BLNK: variants seen among roughly 807,000 people sequenced by gnomAD.
BLNK encodes the protein B cell linker.
In BLNK, 29 loss-of-function variants were observed where a neutral mutation model predicts 73.5. The observed-to-expected ratio is 0.39, with a 90% CI of 0.29 to 0.54. BLNK has a LOEUF of 0.54. Ranked by LOEUF, BLNK falls within the 20% of genes least tolerant of loss-of-function variation. The pLI is 0.61. For missense variants in BLNK, 460 were observed against 562.8 expected (o/e 0.82, Z 1.85); for synonymous variants, 176 against 200.8 (o/e 0.88, Z 1.04).
At position 96,192,050 on chromosome 10, in the gene BLNK, T is replaced by G; in HGVS notation, c.1294A>C (p.Ser432Arg). The change falls in exon 17 of 17, where the codon AGT becomes CGT. Residue 432 changes from serine to arginine, a missense_variant. Physicochemically the swap from Ser to Arg is moderately radical, Grantham distance 110. Around this residue, in one of 3 missense-constraint regions of BLNK, gnomAD observed 88 missense variants for 143.4 expected, o/e 0.61. Transcript: ENST00000224337. The part of the protein sequence containing the change: ...VAEIIRNHQH[S>R]PLVLIDSQNN... Reference sequence around the variant, plus strand: ...TGACTGTCAATAAGAACCAAAGGACTATGTTGATGATTCCTGATGATTTCA... The same window carrying G: ...TGACTGTCAATAAGAACCAAAGGACGATGTTGATGATTCCTGATGATTTCA... The G allele has an allele frequency of 6.2e-7, 1 of 1,613,736 alleles. No homozygotes were observed. The highest frequency in any genetic ancestry group is 8.5e-7 in the Non-Finnish European group (1 of 1,179,730).
chr10:96,213,646 G>T (rs1202934864), intron 8 of BLNK, among the ~76,000 whole-genome samples: 1 of 140,460 alleles, frequency 7.1e-6, no homozygotes, highest in Non-Finnish European at 1.6e-5. Flanking sequence ...AGGAAGAGGA[G>T]GTCCTTGTAA....
intron 1 of BLNK, among the ~76,000 whole-genome samples, chr10:96,270,159 A>G (rs1844208261): frequency 2.0e-5 from 3 of 152,182 alleles, no homozygotes; most frequent in Non-Finnish European, 4.4e-5. Flanking sequence ...TGTTCTTGAA[A>G]TGGTTGAACA....
In BLNK at chr10:96,209,830, G is replaced by C; in HGVS notation, c.746+8C>G. 6.2e-7 allele frequency: 1 copy of C among 1,614,196 alleles called. No homozygotes were observed. Among genetic ancestry groups the C allele is most frequent in the Middle Eastern group, 1.7e-4 (1 of 6,060 alleles). Reference sequence around the variant, plus strand: ...TCTCAAAAGCTGCTTCCTGCAACAGGTACTTACCCGGCCCGTGGCAACGGG... The same window carrying C: ...TCTCAAAAGCTGCTTCCTGCAACAGCTACTTACCCGGCCCGTGGCAACGGG... On this transcript the variant is annotated splice_region_variant and intron_variant, in intron 9 of 16. Transcript: ENST00000224337.
chr10:96,270,345 G>C (rs1289720898), intron 1 of BLNK, among the ~76,000 whole-genome samples: 2 of 152,116 alleles, frequency 1.3e-5, no homozygotes, highest in African/African-American at 4.8e-5. Flanking sequence ...TGTTATCTGT[G>C]ATTACTTGTC....
At chr10:96,258,180 T>C (rs191211945) in intron 1 of BLNK, among the ~76,000 whole-genome samples, 27 of 152,342 alleles carry the variant, frequency 1.8e-4, no homozygotes, top group Non-Finnish European at 3.5e-4. Flanking sequence ...AATTCAGCAC[T>C]GCAGGCTGCT....
chr10:96,271,305 G>A, intron 1 of BLNK, 47 bp downstream of exon 1: 2 of 1,593,562 alleles, frequency 1.3e-6, no homozygotes, highest in South Asian at 2.2e-5. Context: ...GAGCACTGGG[G>A]GGAAAAAAAG....
At chr10:96,267,811 C>T (rs782072390) in intron 1 of BLNK, among the ~76,000 whole-genome samples, 7 of 152,132 alleles carry the variant, frequency 4.6e-5, no homozygotes, top group Non-Finnish European at 1.5e-5. Context: ...TGGAAAGTCC[C>T]TGTTTATTTT....
At chr10:96,195,159 T>C (rs2083434175) in intron 16 of BLNK, among the ~76,000 whole-genome samples, 1 of 152,154 alleles carries the variant, frequency 6.6e-6, no homozygotes, top group Admixed American at 6.5e-5. Context: ...ATTCAGAATA[T>C]AACAAGTGCT....
intron 3 of BLNK, among the ~76,000 whole-genome samples, chr10:96,234,432 T>C (rs1842625318): frequency 6.6e-6 from 1 of 152,196 alleles, no homozygotes; most frequent in Admixed American, 6.5e-5. Context: ...AGTAGTCAGT[T>C]TTCCAGTATC....
intron 2 of BLNK, 41 bp downstream of exon 2, chr10:96,246,943 T>C (rs200375928): frequency 6.9e-7 from 1 of 1,449,540 alleles, no homozygotes; most frequent in Non-Finnish European, 9.6e-7. Context: ...ACATGTTGAC[T>C]TATTTTATAT....
chr10:96,248,452 T>G lies in BLNK; in HGVS notation c.48-1403A>C, dbSNP rs1369904655. On this transcript the variant is annotated intron_variant, in intron 1 of 16. Transcript: ENST00000224337. ...AAATCTAAACAACAGTGAGATGTCT[T>G]TTCGCCTATCAGACTGGCAAAACAT... Among the ~76,000 whole-genome samples the G allele has an allele frequency of 3.9e-5, 6 of 152,356 alleles. No homozygotes were observed. In the East Asian group the frequency reaches 1.2e-3, roughly 29 times the overall value.
At chr10:96,256,099 A>T (rs1288189411) in intron 1 of BLNK, among the ~76,000 whole-genome samples, 1 of 152,190 alleles carries the variant, frequency 6.6e-6, no homozygotes, top group African/African-American at 2.4e-5. Flanking sequence ...TGGGAGGCTG[A>T]GGAGGGTGGA....
chr10:96,226,688 A>G (rs1423905027), intron 5 of BLNK, among the ~76,000 whole-genome samples: 1 of 152,046 alleles, frequency 6.6e-6, no homozygotes, highest in Non-Finnish European at 1.5e-5. Context: ...TAAAAATACA[A>G]AAGTTAGCCA....
chr10:96,192,475 A>G (rs1397012784), intron 16 of BLNK, among the ~76,000 whole-genome samples: 5 of 152,228 alleles, frequency 3.3e-5, no homozygotes, highest in Non-Finnish European at 7.4e-5. Context: ...CTCAGATACA[A>G]GAATTGATGT....
intron 1 of BLNK, among the ~76,000 whole-genome samples, chr10:96,266,929 C>G (rs1288056734): frequency 6.6e-6 from 1 of 152,216 alleles, no homozygotes; most frequent in Non-Finnish European, 1.5e-5. Flanking sequence ...TCCATGTTGT[C>G]TCACTTGGTC....
intron 6 of BLNK, among the ~76,000 whole-genome samples, chr10:96,221,486 T>C (rs1554901148): frequency 6.6e-6 from 1 of 152,212 alleles, no homozygotes; most frequent in African/African-American, 2.4e-5. Context: ...CTCTTTCTTA[T>C]ATTGGCTCTC....
intron 1 of BLNK, among the ~76,000 whole-genome samples, chr10:96,266,454 A>G (rs1554914313): frequency 6.6e-6 from 1 of 152,232 alleles, no homozygotes; most frequent in Non-Finnish European, 1.5e-5. Flanking sequence ...TAGCACAGCC[A>G]TGCCCAGAGT....
intron 5 of BLNK, among the ~76,000 whole-genome samples, chr10:96,226,707 G>C (rs587707895): frequency 3.9e-5 from 6 of 152,262 alleles, no homozygotes; most frequent in Non-Finnish European, 8.8e-5. Context: ...CAGGCGTGGT[G>C]GTGGGTGCCT....
At position 96,242,727 on chromosome 10, in the gene BLNK, T is replaced by C; in HGVS notation, c.163+8A>G. On this transcript the variant is annotated splice_region_variant and intron_variant, in intron 3 of 16. Coordinates refer to ENST00000224337, the MANE Select transcript of BLNK (RefSeq NM_013314.4). ...AGAGTCAGTTAAAGTATCTGAGAAA[T>C]ACCTTACCTGAAGCGTAGTCCCTTC... 1.2e-6 allele frequency: 2 copies of C among 1,612,942 alleles called. No homozygotes were observed. Among genetic ancestry groups the C allele is most frequent in the Non-Finnish European group, 1.7e-6 (2 of 1,178,862 alleles).
Sources: allele counts gnomAD v4.1 joint callset (sites outside exome capture counted in the v4.1 genomes callset), GRCh38; gene constraint gnomAD v4.1.1; regional missense constraint gnomAD v4.1.1; transcripts MANE v1.5; gene names NCBI Gene and HGNC (gene_info 2026-07-23, HGNC 2026-07-21).